Variants in EDDM13 observed in about 807,000 individuals in gnomAD.
EDDM13 encodes epididymal protein 13.
Under a neutral mutation model 17.8 loss-of-function variants are expected in EDDM13, and 24 were observed. The observed-to-expected ratio is 1.35, with a 90% CI of 0.98 to 1.90. EDDM13 has a LOEUF of 1.90. Ranked by LOEUF, EDDM13 falls within the 40% of genes most tolerant of loss-of-function variation. EDDM13 has a pLI of 0.00. For synonymous variants in EDDM13, 31 were observed against 37.5 expected, an observed-to-expected ratio of 0.83 and a Z score of 0.63; for missense variants, 97 against 100.8, an observed-to-expected ratio of 0.96 and a Z score of 0.16.
intron 2 of EDDM13, among the ~76,000 whole-genome samples, chr19:56,277,265 A>T (rs1378921516): frequency 6.6e-6 from 1 of 152,244 alleles, no homozygotes; most frequent in African/African-American, 2.4e-5. Flanking sequence ...CCTAAGAGCT[A>T]GCAAGTGAAG....
chr19:56,286,132 C>T (rs1377733539), intron 6 of EDDM13, among the ~76,000 whole-genome samples: 1 of 152,182 alleles, frequency 6.6e-6, no homozygotes, highest in East Asian at 1.9e-4. Context: ...AGCGATTCTC[C>T]TGCCTCAGCC....
At chr19:56,286,714 G>A (rs2039151131) in intron 6 of EDDM13, 1 of 152,200 alleles carries the variant, frequency 6.6e-6, no homozygotes, top group Non-Finnish European at 1.5e-5. Context: ...ATTTCTCTCT[G>A]GTTGAAAGAG....
intron 8 of EDDM13, among the ~76,000 whole-genome samples, 70 bp downstream of exon 8, chr19:56,288,961 T>A (rs901133800): frequency 6.6e-6 from 1 of 152,134 alleles, no homozygotes. Flanking sequence ...TCAAACTCCT[T>A]TAAGAAAATG....
At chr19:56,282,036 G>A (rs1363102648) in intron 3 of EDDM13, among the ~76,000 whole-genome samples, 1 of 152,136 alleles carries the variant, frequency 6.6e-6, no homozygotes, top group Non-Finnish European at 1.5e-5. Context: ...CAATCTAGGG[G>A]CCTTTGCTCT....
chr19:56,282,464 T>A, intron 3 of EDDM13, 27 bp from the exon 4 acceptor site: 2 of 985,196 alleles, frequency 2.0e-6, no homozygotes. Context: ...ATCGGTCCTG[T>A]CCTTCCTGCT....
At chr19:56,292,208 CAT>C (rs1422519695) in intron 9 of EDDM13, among the ~76,000 whole-genome samples, 1 of 152,222 alleles carries the variant, frequency 6.6e-6, no homozygotes, top group Non-Finnish European at 1.5e-5. Flanking sequence ...CTGTTTGCCA[CAT>C]GTGGGTAACA....
At chr19:56,273,442 CT>C (rs1383871598) in intron 1 of EDDM13, among the ~76,000 whole-genome samples, 1 of 146,534 alleles carries the variant, frequency 6.8e-6, no homozygotes, top group Non-Finnish European at 1.5e-5. Flanking sequence ...TTTCCACGGG[CT>C]TGATGCTGGG....
At chr19:56,288,497 A>T (rs997732145) in intron 7 of EDDM13, among the ~76,000 whole-genome samples, 59 bp downstream of exon 7, 6 of 151,804 alleles carry the variant, frequency 4.0e-5, no homozygotes, top group Non-Finnish European at 8.8e-5. Context: ...TACCCAGAAT[A>T]CTCATCCCAA....
chr19:56,278,598 A>T (rs1258162913), intron 2 of EDDM13, among the ~76,000 whole-genome samples: 1 of 152,230 alleles, frequency 6.6e-6, no homozygotes, highest in Non-Finnish European at 1.5e-5. Context: ...ATTGATAGAG[A>T]TATTTGAGAA....
chr19:56,277,932 T>C (rs865989627), intron 2 of EDDM13, among the ~76,000 whole-genome samples: 1 of 152,140 alleles, frequency 6.6e-6, no homozygotes, highest in South Asian at 2.1e-4. Context: ...ATAAGGATAA[T>C]AAATATACAT....
intron 11 of EDDM13, 147 bp from the exon 12 acceptor site, chr19:56,297,355 TCTC>T (rs1165597667): frequency 1.2e-5 from 2 of 162,728 alleles, no homozygotes; most frequent in Non-Finnish European, 2.6e-5. Flanking sequence ...TCCTTTCTTT[TCTC>T]CTCCTCTTCC....
chr19:56,302,956 T>C (rs2040443885), intron 13 of EDDM13: 1 of 398,028 alleles, frequency 2.5e-6, no homozygotes, highest in Non-Finnish European at 4.4e-6. Flanking sequence ...GAGAACCAGA[T>C]CACCGAGTGG....
At chr19:56,291,076 G>A (rs951342195) in intron 9 of EDDM13, among the ~76,000 whole-genome samples, 1 of 152,154 alleles carries the variant, frequency 6.6e-6, no homozygotes, top group African/African-American at 2.4e-5. Context: ...GTGGGTCTGG[G>A]GCTACATGCA....
chr19:56,291,466 T>A (rs1401889109), intron 9 of EDDM13, among the ~76,000 whole-genome samples: 1 of 152,174 alleles, frequency 6.6e-6, no homozygotes, highest in Non-Finnish European at 1.5e-5. Context: ...TTTATTTCTC[T>A]TTTTTGGGAA....
chr19:56,278,774 G>A (rs1299224374), intron 2 of EDDM13, among the ~76,000 whole-genome samples: 1 of 152,130 alleles, frequency 6.6e-6, no homozygotes, highest in East Asian at 1.9e-4. Flanking sequence ...GGGAGCTCAG[G>A]GAGCTGTTGG....
intron 6 of EDDM13, among the ~76,000 whole-genome samples, chr19:56,286,929 C>T (rs953108210): frequency 6.6e-6 from 1 of 152,252 alleles, no homozygotes; most frequent in Non-Finnish European, 1.5e-5. Flanking sequence ...ACACACCACC[C>T]AGGACAAGTC....
chr19:56,302,608 T>TTTTCTTC (rs2040401027), intron 13 of EDDM13, among the ~76,000 whole-genome samples: 1 of 62,122 alleles, frequency 1.6e-5, no homozygotes. Flanking sequence ...CTCTTCTTCC[T>TTTTCTTC]CTCCCTCTTC....
At chr19:56,290,403 T>G (rs981567994) in intron 8 of EDDM13, among the ~76,000 whole-genome samples, 1 of 152,246 alleles carries the variant, frequency 6.6e-6, no homozygotes, top group Non-Finnish European at 1.5e-5. Context: ...CCTACACTAT[T>G]TACTGTCTGA....
intron 6 of EDDM13, chr19:56,286,433 C>G (rs2039130554): frequency 6.6e-6 from 1 of 152,054 alleles, no homozygotes; most frequent in South Asian, 2.1e-4. Context: ...CCGCCAGAAC[C>G]CCCACACCTC....
Sources: gnomAD v4.1 joint callset for allele counts (sites outside exome capture counted in the v4.1 genomes callset) on GRCh38, gnomAD v4.1.1 for gene constraint, MANE v1.5 for transcripts, NCBI Gene and HGNC (gene_info 2026-07-23, HGNC 2026-07-21) for gene names.